MEOX2: variants seen among roughly 807,000 people sequenced by gnomAD.
MEOX2 encodes the protein homeobox protein MOX-2.
In MEOX2, 11 loss-of-function variants were observed where a neutral mutation model predicts 27.0. The ratio of observed to expected loss-of-function variants is 0.41; its 90% CI spans 0.26 to 0.68. The LOEUF is 0.68. Ranked by LOEUF, MEOX2 falls within the 30% of genes least tolerant of loss-of-function variation. The pLI is 0.33. For synonymous variants in MEOX2, 189 were observed against 155.4 expected (o/e 1.22, Z -1.61); for missense variants, 436 against 385.4 (o/e 1.13, Z -1.10).
chr7:15,666,359 C>T (rs1206805697), intron 1 of MEOX2, among the ~76,000 whole-genome samples: 2 of 152,128 alleles, frequency 1.3e-5, no homozygotes, highest in Non-Finnish European at 2.9e-5. Context: ...TTCACTGTGA[C>T]TTTATCTAAT....
chr7:15,668,639 G>A (rs563789851), intron 1 of MEOX2, among the ~76,000 whole-genome samples: 5 of 151,758 alleles, frequency 3.3e-5, no homozygotes, highest in Non-Finnish European at 5.9e-5. Flanking sequence ...CCACCACCAC[G>A]CTAATTTTGT....
At chr7:15,614,187 C>T (rs1468092088) in intron 2 of MEOX2, among the ~76,000 whole-genome samples, 1 of 148,984 alleles carries the variant, frequency 6.7e-6, no homozygotes, top group Non-Finnish European at 1.5e-5. Flanking sequence ...GGGACCCTGT[C>T]TCTACAAATA....
intron 2 of MEOX2, among the ~76,000 whole-genome samples, chr7:15,619,387 T>C (rs1409458289): frequency 6.6e-6 from 1 of 152,034 alleles, no homozygotes; most frequent in Non-Finnish European, 1.5e-5. Context: ...CCTAACATTA[T>C]TGTTAATTTG....
intron 2 of MEOX2, among the ~76,000 whole-genome samples, chr7:15,618,724 A>C (rs1781165414): frequency 6.6e-6 from 1 of 151,812 alleles, no homozygotes; most frequent in African/African-American, 2.4e-5. Context: ...ATGATTGTTT[A>C]AATTCTTTAT....
chr7:15,667,497 G>A (rs1213702689), intron 1 of MEOX2, among the ~76,000 whole-genome samples: 1 of 151,886 alleles, frequency 6.6e-6, no homozygotes, highest in Non-Finnish European at 1.5e-5. Flanking sequence ...ACCTCAAGGT[G>A]TTCTGTTCGT....
chr7:15,670,421 T>C (rs911738259), intron 1 of MEOX2, among the ~76,000 whole-genome samples: 5 of 152,196 alleles, frequency 3.3e-5, no homozygotes, highest in African/African-American at 1.2e-4. Flanking sequence ...TCTTTGTCCA[T>C]TGAGGTGGGA....
intron 1 of MEOX2, among the ~76,000 whole-genome samples, chr7:15,678,208 G>A (rs770381423): frequency 3.3e-5 from 5 of 152,246 alleles, no homozygotes; most frequent in Non-Finnish European, 2.9e-5. Context: ...CGTAAGCATA[G>A]CCTATAGGTG....
chr7:15,623,175 C>T (rs921413825), intron 2 of MEOX2, among the ~76,000 whole-genome samples: 1 of 152,148 alleles, frequency 6.6e-6, no homozygotes, highest in Non-Finnish European at 1.5e-5. Flanking sequence ...AACTTTAAAA[C>T]CCCAACCTCC....
intron 1 of MEOX2, among the ~76,000 whole-genome samples, chr7:15,652,949 G>A (rs1471789389): frequency 2.0e-5 from 3 of 152,012 alleles, no homozygotes; most frequent in African/African-American, 7.2e-5. Flanking sequence ...TTCATGCACA[G>A]ATATTTGTAT....
intron 1 of MEOX2, chr7:15,681,642 T>C (rs1782292939): frequency 6.6e-6 from 1 of 151,804 alleles, no homozygotes; most frequent in Non-Finnish European, 1.5e-5. Flanking sequence ...TCCAGAGTTA[T>C]AATGAACGGT....
chr7:15,645,372 A>C (rs926393603), intron 1 of MEOX2, among the ~76,000 whole-genome samples: 5 of 152,206 alleles, frequency 3.3e-5, no homozygotes, highest in Admixed American at 2.0e-4. Context: ...AGCTATGACA[A>C]ATCTAAAGCA....
intron 1 of MEOX2, among the ~76,000 whole-genome samples, chr7:15,628,187 G>T (rs1468085474): frequency 9.2e-5 from 14 of 152,000 alleles, no homozygotes; most frequent in Admixed American, 9.2e-4. Context: ...AATATGCTAA[G>T]AAGTACAAAA....
intron 2 of MEOX2, among the ~76,000 whole-genome samples, chr7:15,615,499 T>C (rs1781109048): frequency 6.6e-6 from 1 of 152,074 alleles, no homozygotes; most frequent in Non-Finnish European, 1.5e-5. Context: ...TTCTCCCACT[T>C]GATATAATTA....
intron 1 of MEOX2, among the ~76,000 whole-genome samples, chr7:15,643,220 TG>T (rs1050369738): frequency 4.6e-5 from 7 of 152,304 alleles, no homozygotes; most frequent in African/African-American, 1.7e-4. Context: ...GTGGGATTTT[TG>T]CTTGGCCTTT....
At position 15,686,456 on chromosome 7, in the gene MEOX2, A is replaced by G; in HGVS notation, c.-54T>C. The G allele has an allele frequency of 6.9e-7, 1 of 1,456,648 alleles. No individual in the cohort carries two copies. Among genetic ancestry groups the G allele is most frequent in the Non-Finnish European group, 9.2e-7 (1 of 1,085,730 alleles). The allele number at this position is 1,456,648 out of a possible 1,614,324, so 90.2% of individuals were successfully genotyped here. On this transcript the variant is annotated 5_prime_UTR_variant, in exon 1 of 3. Coordinates refer to ENST00000262041, the MANE Select transcript of MEOX2 (RefSeq NM_005924.5). ...AGACTTCACGGCGGTTCCAAAGGCC[A>G]CCACCCTCTGTCACTTTTTCACTGG...
At chr7:15,614,022 T>A (rs549455184) in intron 2 of MEOX2, among the ~76,000 whole-genome samples, 1 of 149,618 alleles carries the variant, frequency 6.7e-6, no homozygotes, top group Non-Finnish European at 1.5e-5. Context: ...TAGAAACTCT[T>A]AATATTAATT....
chr7:15,673,475 A>C (rs537311448), intron 1 of MEOX2, among the ~76,000 whole-genome samples: 1 of 152,190 alleles, frequency 6.6e-6, no homozygotes, highest in South Asian at 2.1e-4. Context: ...AGTGCATATA[A>C]AACAGTGAAA....
chr7:15,612,582 C>G lies in MEOX2; in HGVS notation c.720G>C (p.Met240Ile). Residue 240 changes from methionine to isoleucine, a missense_variant, in exon 3 of 3, where the codon ATG becomes ATC. By Grantham distance (10) the Met-to-Ile change is conservative. Transcript: ENST00000262041. ...QVKVWFQNRRMKWKRVKGGQQ... is the reference protein window; with the variant it reads ...QVKVWFQNRRIKWKRVKGGQQ... ...GTCCACCCTTTACCCTCTTCCACTT[C>G]ATCCGCCTGTTTTGGAACCAGACTT... The G allele has an allele frequency of 6.2e-7, 1 of 1,614,122 alleles. No homozygotes were observed. The highest frequency in any genetic ancestry group is 8.5e-7 in the Non-Finnish European group (1 of 1,180,024).
At chr7:15,658,188 C>T (rs866428740) in intron 1 of MEOX2, among the ~76,000 whole-genome samples, 1 of 152,298 alleles carries the variant, frequency 6.6e-6, no homozygotes, top group Middle Eastern at 3.4e-3. Flanking sequence ...GGATGAGTAA[C>T]TCATTACTGC....
Sources: gnomAD v4.1 joint callset for allele counts (sites outside exome capture counted in the v4.1 genomes callset) on GRCh38, gnomAD v4.1.1 for gene constraint, MANE v1.5 for transcripts, NCBI Gene and HGNC (gene_info 2026-07-23, HGNC 2026-07-21) for gene names.